Variants in ANKFY1 observed in about 807,000 individuals in gnomAD.
The protein encoded by ANKFY1 is ankyrin repeat and FYVE domain containing 1, also known as ankyrin repeat and FYVE domain-containing protein 1.
In ANKFY1, 47 loss-of-function variants were observed where a neutral mutation model predicts 128.3. The ratio of observed to expected loss-of-function variants is 0.37; its 90% CI spans 0.29 to 0.47. The LOEUF is 0.47. Ranked by LOEUF, ANKFY1 falls within the 20% of genes least tolerant of loss-of-function variation. The pLI, the probability that ANKFY1 is intolerant of heterozygous loss-of-function variation, is 1.00. For synonymous variants in ANKFY1, 553 were observed against 601.6 expected, an observed-to-expected ratio of 0.92 and a Z score of 1.18; for missense variants, 1,222 against 1,510.6, an observed-to-expected ratio of 0.81 and a Z score of 3.17.
intron 8 of ANKFY1, 142 bp downstream of exon 8, chr17:4,197,231 A>G (rs1374021871): frequency 1.2e-6 from 1 of 832,968 alleles, no homozygotes; most frequent in East Asian, 2.7e-5. Flanking sequence ...ACTACTACAC[A>G]TCGATGTCTG....
At chr17:4,247,991 A>G (rs779271498) in intron 1 of ANKFY1, among the ~76,000 whole-genome samples, 7 of 152,200 alleles carry the variant, frequency 4.6e-5, no homozygotes, top group Non-Finnish European at 1.0e-4. Context: ...TTCTCCCTGC[A>G]CACTGATAGC....
At position 4,165,238 on chromosome 17, in the gene ANKFY1, A is replaced by G. The variant is rs1213957978; in HGVS notation, c.*2541T>C. On this transcript the variant is annotated 3_prime_UTR_variant, in exon 25 of 25. Transcript: ENST00000341657. Reference sequence around the variant, plus strand: ...GGATAATAAATCTGGCGATGAGCAAAGGGCAGTTGAGAGCACATTCAGCAT... The same window carrying G: ...GGATAATAAATCTGGCGATGAGCAAGGGGCAGTTGAGAGCACATTCAGCAT... 6.6e-6 allele frequency: 1 copy of G among 152,264 alleles called. No homozygotes were observed. Among genetic ancestry groups the G allele is most frequent in the African/African-American group, 2.4e-5 (1 of 41,472 alleles). 9.4% of individuals were successfully genotyped at this position (152,264 alleles called of 1,614,324 possible).
chr17:4,258,672 G>T (rs150049913), intron 1 of ANKFY1, among the ~76,000 whole-genome samples: 12 of 152,304 alleles, frequency 7.9e-5, no homozygotes, highest in African/African-American at 2.9e-4. Flanking sequence ...TGTCCATTAG[G>T]GGGAGCTACT....
chr17:4,176,357 C>T lies in ANKFY1; in HGVS notation c.2775+769G>A, dbSNP rs1266393351. On this transcript the variant is annotated intron_variant, in intron 19 of 24. Transcript: ENST00000341657. ...GTCTGGGGCTGACAGGAGGGACCAGCGACAGCCAGCTCTGAGGAGCAGAGA... is the reference window on the plus strand; with the variant it reads ...GTCTGGGGCTGACAGGAGGGACCAGTGACAGCCAGCTCTGAGGAGCAGAGA... Among the ~76,000 whole-genome samples the T allele has an allele frequency of 4.6e-5, 7 of 152,208 alleles. No homozygotes were observed. The East Asian group carries it at 7.7e-4, about 17-fold the overall frequency.
chr17:4,198,406 C>G (rs1285203416), intron 7 of ANKFY1, among the ~76,000 whole-genome samples: 1 of 150,282 alleles, frequency 6.7e-6, no homozygotes, highest in Non-Finnish European at 1.5e-5. Flanking sequence ...GAGCCTTGCT[C>G]TGTCACCCAG....
At chr17:4,193,823 G>A (rs573655948) in intron 10 of ANKFY1, among the ~76,000 whole-genome samples, 5 of 151,586 alleles carry the variant, frequency 3.3e-5, no homozygotes, top group Admixed American at 6.6e-5. Flanking sequence ...GCAGTGACGC[G>A]ATCTTGGCTC....
chr17:4,174,203 C>T, intron 19 of ANKFY1, 147 bp from the exon 20 acceptor site: 1 of 898,476 alleles, frequency 1.1e-6, no homozygotes, highest in Non-Finnish European at 1.6e-6. Context: ...GCTTCACACA[C>T]ACTCCTGCTG....
intron 2 of ANKFY1, among the ~76,000 whole-genome samples, chr17:4,241,041 G>C (rs892126190): frequency 6.6e-6 from 1 of 151,840 alleles, no homozygotes; most frequent in Non-Finnish European, 1.5e-5. Context: ...GCTATAACCA[G>C]TGAAAACAAT....
chr17:4,263,924 A>C lies in ANKFY1; in HGVS notation c.10+8T>G, dbSNP rs745379057. ...GTCTTCCCGCGCGGCTCCACAAAAA[A>C]ACCCTACCTTCCGCCATGTCTGGCC... On this transcript the variant is annotated splice_region_variant and intron_variant, in intron 1 of 24. Coordinates refer to ENST00000341657, the MANE Select transcript of ANKFY1 (RefSeq NM_001330063.2). 3.5e-5 allele frequency: 56 copies of C among 1,613,784 alleles called. No individual in the cohort carries two copies. The highest frequency in any genetic ancestry group is 4.5e-5 in the East Asian group (2 of 44,882).
chr17:4,249,445 C>A (rs538312896), intron 1 of ANKFY1, among the ~76,000 whole-genome samples: 94 of 152,114 alleles, frequency 6.2e-4, no homozygotes, highest in African/African-American at 2.2e-3. Context: ...ACATCTATAA[C>A]ATATAAATAA....
chr17:4,176,724 T>C (rs2059417587), intron 19 of ANKFY1, among the ~76,000 whole-genome samples: 1 of 152,248 alleles, frequency 6.6e-6, no homozygotes, highest in African/African-American at 2.4e-5. Context: ...GGTAAAATTC[T>C]TTCTCGGCCT....
chr17:4,181,689 G>T lies in ANKFY1; in HGVS notation c.2122-317C>A, dbSNP rs565675299. 6.6e-6 allele frequency among the ~76,000 whole-genome samples: 1 copy of T among 152,244 alleles called. No individual in the cohort carries two copies. The highest frequency in any genetic ancestry group is 1.5e-5 in the Non-Finnish European group (1 of 68,024). ...AGTGTCTGTGTACACATGCACCAAC[G>T]GGTCCTCAGTAACACACACCTGCAA... On this transcript the variant is annotated intron_variant, in intron 15 of 24. Coordinates refer to ENST00000341657, the MANE Select transcript of ANKFY1 (RefSeq NM_001330063.2). The surrounding 1 kb of genome is among the most constrained non-coding windows in gnomAD (Gnocchi z 4.9).
At chr17:4,175,225 CG>C (rs1202418689) in intron 19 of ANKFY1, among the ~76,000 whole-genome samples, 2 of 151,314 alleles carry the variant, frequency 1.3e-5, no homozygotes, top group East Asian at 4.0e-4. Context: ...CACAGCTACT[CG>C]GGAGGATGAG....
At chr17:4,224,318 G>A (rs1195660007) in intron 3 of ANKFY1, among the ~76,000 whole-genome samples, 1 of 148,012 alleles carries the variant, frequency 6.8e-6, no homozygotes, top group Non-Finnish European at 1.5e-5. Flanking sequence ...TGCCCCCGGG[G>A]TTCACGCCAT....
At chr17:4,210,099 G>A in intron 4 of ANKFY1, 152 bp from the exon 5 acceptor site, 1 of 552,646 alleles carries the variant, frequency 1.8e-6, no homozygotes, top group Non-Finnish European at 3.0e-6. Context: ...AATTACAGTT[G>A]GTCTCCCATA....
Position 4,181,312 on chromosome 17 carries a change from G to A in ANKFY1, c.2182C>T (p.Leu728Phe), listed in dbSNP as rs1168292023. The A allele has an allele frequency of 1.2e-6, 2 of 1,614,098 alleles. No individual in the cohort carries two copies. The highest frequency in any genetic ancestry group is 1.7e-6 in the Non-Finnish European group (2 of 1,180,048). The change falls in exon 16 of 25, where the codon CTC becomes TTC. Residue 728 changes from leucine to phenylalanine, a missense_variant. Leu to Phe is a conservative substitution (Grantham distance 22, BLOSUM62 0). Transcript: ENST00000341657. This position sits in a 1 kb window ranked among gnomAD's most constrained non-coding sequence, Gnocchi z 4.9. ...GPGPGGCLQT[L>F]LHRAIDENNE... The stretch of plus-strand genomic sequence containing the variant: ...TTTTCATCAATGGCTCTGTGCAGGA[G>A]CGTCTGAAGGCACCCACCAGGTCCC...
intron 10 of ANKFY1, among the ~76,000 whole-genome samples, chr17:4,190,880 G>A (rs1443374724): frequency 6.6e-6 from 1 of 152,200 alleles, no homozygotes; most frequent in Non-Finnish European, 1.5e-5. Flanking sequence ...CTCATTGCCT[G>A]TCATCCCAGC....
intron 3 of ANKFY1, among the ~76,000 whole-genome samples, chr17:4,235,160 T>C (rs1966868524): frequency 6.6e-6 from 1 of 151,964 alleles, no homozygotes; most frequent in Non-Finnish European, 1.5e-5. Context: ...CTGGCCAACA[T>C]GGTAAAACCC....
intron 11 of ANKFY1, chr17:4,186,946 GCTC>G (rs1217806046): frequency 8.5e-7 from 1 of 1,176,762 alleles, no homozygotes; most frequent in Non-Finnish European, 1.0e-6. Flanking sequence ...CCACACACAG[GCTC>G]CTCCTCCTGG....
Sources: allele counts gnomAD v4.1 joint callset (sites outside exome capture counted in the v4.1 genomes callset), GRCh38; gene constraint gnomAD v4.1.1; non-coding constraint Gnocchi (gnomAD v3.1); transcripts MANE v1.5; gene names NCBI Gene and HGNC (gene_info 2026-07-23, HGNC 2026-07-21).